The following G3BP1 variants were observed in gnomAD, a reference collection of about 807,000 sequenced individuals.
G3BP1 encodes the protein ras GTPase-activating protein-binding protein 1.
A neutral mutation model predicts 58.6 loss-of-function variants in G3BP1; 35 were observed. The ratio of observed to expected loss-of-function variants is 0.60; its 90% CI spans 0.46 to 0.79. The LOEUF (loss-of-function observed/expected upper bound fraction) is 0.79. G3BP1 is among the 30% of genes least tolerant of loss of function. The pLI, the probability that G3BP1 is intolerant of heterozygous loss-of-function variation, is 0.00. For synonymous variants in G3BP1, 191 were observed against 195.4 expected (o/e 0.98, Z 0.19); for missense variants, 523 against 580.8 (o/e 0.90, Z 1.02).
At position 151,786,642 on chromosome 5, in the gene G3BP1, C is replaced by T. The variant is rs1369210790; in HGVS notation, c.22C>T (p.Pro8Ser). 1 of 1,612,546 alleles carries T rather than the reference C, an allele frequency of 6.2e-7. No individual in the cohort carries two copies. Among genetic ancestry groups the T allele is most frequent in the Non-Finnish European group, 8.5e-7 (1 of 1,178,558 alleles). Residue 8 changes from proline (P) to serine (S), a missense_variant, in exon 2 of 12, where the codon CCC becomes TCC. By Grantham distance (74) the Pro-to-Ser change is moderately conservative (BLOSUM62 -1). Transcript: ENST00000356245. MVMEKPS[P>S]LLVGREFVRQ... ...AGCAATGGTGATGGAGAAGCCTAGTCCCCTGCTGGTCGGGCGGGAATTTGT... is the reference window on the plus strand; with the variant it reads ...AGCAATGGTGATGGAGAAGCCTAGTTCCCTGCTGGTCGGGCGGGAATTTGT...
At chr5:151,794,427 C>T (rs1041213301) in intron 5 of G3BP1, among the ~76,000 whole-genome samples, 178 bp downstream of exon 5, 1 of 152,112 alleles carries the variant, frequency 6.6e-6, no homozygotes, top group Non-Finnish European at 1.5e-5. Flanking sequence ...AACAGGTTAG[C>T]TTATATCATG....
At chr5:151,777,614 G>A (rs1321506134) in intron 1 of G3BP1, among the ~76,000 whole-genome samples, 1 of 152,096 alleles carries the variant, frequency 6.6e-6, no homozygotes, top group Non-Finnish European at 1.5e-5. Flanking sequence ...TGTAATCCCA[G>A]CTTCTCAAAA....
intron 1 of G3BP1, among the ~76,000 whole-genome samples, chr5:151,777,653 G>C (rs889264039): frequency 6.6e-6 from 1 of 152,142 alleles, no homozygotes; most frequent in Non-Finnish European, 1.5e-5. Flanking sequence ...GATTACTTGA[G>C]CCCAGATGTT....
At chr5:151,777,113 T>C (rs536509333) in intron 1 of G3BP1, among the ~76,000 whole-genome samples, 8 of 152,160 alleles carry the variant, frequency 5.3e-5, no homozygotes, top group African/African-American at 1.9e-4. Context: ...TTTGGAAAAA[T>C]AGATTGACAG....
intron 1 of G3BP1, among the ~76,000 whole-genome samples, chr5:151,781,236 CCATT>C (rs1047048242): frequency 6.6e-6 from 1 of 152,100 alleles, no homozygotes; most frequent in African/African-American, 2.4e-5. Flanking sequence ...CACTTTGAGA[CCATT>C]CAGGGCACCA....
chr5:151,784,262 A>C (rs540289788), intron 1 of G3BP1, among the ~76,000 whole-genome samples: 2 of 151,922 alleles, frequency 1.3e-5, no homozygotes, highest in African/African-American at 4.8e-5. Context: ...ACACTTAGCT[A>C]ATTTTTTTTT....
chr5:151,784,488 T>C (rs1762525387), intron 1 of G3BP1, among the ~76,000 whole-genome samples: 1 of 152,180 alleles, frequency 6.6e-6, no homozygotes, highest in South Asian at 2.1e-4. Flanking sequence ...ATAAAAAAAT[T>C]GTGTCTGTTA....
At chr5:151,794,495 G>A (rs1318258516) in intron 5 of G3BP1, among the ~76,000 whole-genome samples, 1 of 152,192 alleles carries the variant, frequency 6.6e-6, no homozygotes, top group Non-Finnish European at 1.5e-5. Flanking sequence ...AACTCACAGC[G>A]ACAGTAGTAG....
chr5:151,797,475 TAA>T (rs1268235938), intron 7 of G3BP1, 47 bp downstream of exon 7: 5 of 1,540,064 alleles, frequency 3.2e-6, no homozygotes, highest in Non-Finnish European at 4.4e-6. Context: ...TTATTTTTTT[TAA>T]AAAAAGTTTC....
At chr5:151,781,748 TTTTC>T (rs1222762305) in intron 1 of G3BP1, among the ~76,000 whole-genome samples, 1 of 152,230 alleles carries the variant, frequency 6.6e-6, no homozygotes, top group East Asian at 1.9e-4. Context: ...TTGCAAATGA[TTTTC>T]TTATTTTCTT....
At chr5:151,775,778 G>A (rs1038953868) in intron 1 of G3BP1, among the ~76,000 whole-genome samples, 1 of 152,198 alleles carries the variant, frequency 6.6e-6, no homozygotes, top group Admixed American at 6.5e-5. Context: ...AACCTGAGTA[G>A]GTTTTAACTT....
chr5:151,796,934 C>T (rs1375198752), intron 6 of G3BP1, among the ~76,000 whole-genome samples: 1 of 117,316 alleles, frequency 8.5e-6, no homozygotes, highest in Non-Finnish European at 1.6e-5. Context: ...ATGTTGTATG[C>T]TAAATGAATT....
rs749092710 is a variant in G3BP1 at position 151,791,072 on chromosome 5, G to A, written c.351+10G>A. Reference sequence around the variant, plus strand: ...TGTCCTTGCTCCTGAGGTATGTGTAGGAATGATTATTTTGTAGTGATCCAA... The same window carrying A: ...TGTCCTTGCTCCTGAGGTATGTGTAAGAATGATTATTTTGTAGTGATCCAA... On this transcript the variant is annotated intron_variant, in intron 4 of 11. Coordinates refer to ENST00000356245, the MANE Select transcript of G3BP1 (RefSeq NM_005754.3). The A allele has an allele frequency of 6.2e-7, 1 of 1,604,126 alleles. No homozygotes were observed. The highest frequency in any genetic ancestry group is 8.5e-7 in the Non-Finnish European group (1 of 1,171,128).
At chr5:151,801,326 C>G (rs1189998663) in intron 11 of G3BP1, among the ~76,000 whole-genome samples, 1 of 152,108 alleles carries the variant, frequency 6.6e-6, no homozygotes, top group Admixed American at 6.5e-5. Flanking sequence ...TATAGTCAAC[C>G]TACTTGGAAC....
intron 1 of G3BP1, among the ~76,000 whole-genome samples, chr5:151,779,061 C>CA (rs1367986393): frequency 6.6e-6 from 1 of 151,714 alleles, no homozygotes; most frequent in East Asian, 1.9e-4. Flanking sequence ...AAAAAAAAAT[C>CA]AGTCAGTCAA....
chr5:151,791,364 T>G (rs1490658878), intron 4 of G3BP1: 1 of 206,424 alleles, frequency 4.8e-6, no homozygotes, highest in Non-Finnish European at 1.0e-5. Flanking sequence ...ATTTTTAAAA[T>G]TTGGAAATTA....
chr5:151,786,929 A>C, intron 2 of G3BP1: 1 of 328,738 alleles, frequency 3.0e-6, no homozygotes, highest in Admixed American at 4.8e-5. Flanking sequence ...TGCAACGTCC[A>C]CCTCCCCAGT....
At chr5:151,773,496 A>G (rs911439441) in intron 1 of G3BP1, among the ~76,000 whole-genome samples, 1 of 152,186 alleles carries the variant, frequency 6.6e-6, no homozygotes, top group Non-Finnish European at 1.5e-5. Flanking sequence ...CAGAAACAAG[A>G]TGCTTTTCTT....
rs1762923786 is a variant in G3BP1 at position 151,805,252 on chromosome 5, A to G, written c.*1161A>G. 1.3e-5 allele frequency: 2 copies of G among 152,244 alleles called. No homozygotes were observed. The highest frequency in any genetic ancestry group is 2.1e-4 in the South Asian group (1 of 4,830). 9.4% of individuals were successfully genotyped at this position (152,244 alleles called of 1,614,324 possible). On this transcript the variant is annotated 3_prime_UTR_variant, in exon 12 of 12. Coordinates refer to ENST00000356245, the MANE Select transcript of G3BP1 (RefSeq NM_005754.3). ...TTTCTTAAAATCATAGCCATATGGT[A>G]AATTTTCTATTTTGTTATGGTTCTC...
Sources: allele counts gnomAD v4.1 joint callset (sites outside exome capture counted in the v4.1 genomes callset), GRCh38; gene constraint gnomAD v4.1.1; transcripts MANE v1.5; gene names NCBI Gene and HGNC (gene_info 2026-07-23, HGNC 2026-07-21).